ERCC3: variants seen among roughly 807,000 people sequenced by gnomAD.
The protein encoded by ERCC3 is general transcription and DNA repair factor IIH helicase/translocase subunit XPB.
A neutral mutation model predicts 94.2 loss-of-function variants in ERCC3; 66 were observed. That is an observed-to-expected ratio of 0.70 (90% CI 0.57 to 0.86). ERCC3 has a LOEUF of 0.86. Ranked by LOEUF, ERCC3 falls within the 40% of genes least tolerant of loss-of-function variation. The pLI is 0.00. For synonymous variants in ERCC3, 349 were observed against 369.1 expected, an observed-to-expected ratio of 0.95 and a Z score of 0.63; for missense variants, 829 against 987.1, an observed-to-expected ratio of 0.84 and a Z score of 2.15.
intron 1 of ERCC3, 151 bp from the exon 2 acceptor site, chr2:127,293,869 G>A: frequency 1.3e-6 from 2 of 1,542,752 alleles, no homozygotes; most frequent in East Asian, 2.4e-5. Context: ...GTCTCCCCTA[G>A]GCCGAGTTCG....
intron 12 of ERCC3, among the ~76,000 whole-genome samples, chr2:127,270,443 A>G (rs893071214): frequency 6.6e-6 from 1 of 152,210 alleles, no homozygotes; most frequent in African/African-American, 2.4e-5. Context: ...AATTTGCCAA[A>G]GGTGACACAG....
chr2:127,273,609 T>C (rs1459501984), intron 10 of ERCC3, among the ~76,000 whole-genome samples: 2 of 151,244 alleles, frequency 1.3e-5, no homozygotes, highest in Non-Finnish European at 2.9e-5. Context: ...ATTAGCCGAG[T>C]GTGGTGGCGC....
At chr2:127,278,753 T>C (rs1684812738) in intron 10 of ERCC3, among the ~76,000 whole-genome samples, 1 of 152,268 alleles carries the variant, frequency 6.6e-6, no homozygotes, top group Non-Finnish European at 1.5e-5. Context: ...TCCTTCCAGA[T>C]GCCAGTCCGT....
rs1684758259 is a variant in ERCC3, at chr2:127,277,220, G to A, written c.1730+1953C>T. ...GGCCAGAACAGAGTAAGCGAATGGA[G>A]TGCTGGTGGGGATCCCACTGGGGAA... On this transcript the variant is annotated intron_variant, in intron 10 of 14. Coordinates refer to ENST00000285398, the MANE Select transcript of ERCC3 (RefSeq NM_000122.2). This position sits in a 1 kb window ranked among gnomAD's most constrained non-coding sequence, Gnocchi z 5.1. Among the ~76,000 whole-genome samples, 1 of 152,134 alleles carries A rather than the reference G, an allele frequency of 6.6e-6. No homozygotes were observed. Among genetic ancestry groups the A allele is most frequent in the Non-Finnish European group, 1.5e-5 (1 of 68,034 alleles).
intron 12 of ERCC3, chr2:127,261,725 C>T (rs764063983): frequency 7.5e-5 from 23 of 304,868 alleles, no homozygotes; most frequent in Non-Finnish European, 1.1e-4. Flanking sequence ...TGAAATGATG[C>T]TCCACACCAT....
Position 127,259,377 on chromosome 2 carries a change from G to C in ERCC3, c.2136C>G (p.Leu712=), listed in dbSNP as rs770343415. 1 of 1,614,190 alleles carries C rather than the reference G, an allele frequency of 6.2e-7. No individual in the cohort carries two copies. The highest frequency in any genetic ancestry group is 1.1e-5 in the South Asian group (1 of 91,086). The part of the protein sequence containing the change: ...AFSTKEEQQQ[L]LQKVLAATDL... ...CAGTGGCTGCCAGGACTTTCTGTAAGAGCTGCTGTTGCTCTTCTTTTGTCG... is the reference window on the plus strand; with the variant it reads ...CAGTGGCTGCCAGGACTTTCTGTAACAGCTGCTGTTGCTCTTCTTTTGTCG... The change falls in exon 14 of 15, where the codon CTC becomes CTG. Residue 712 remains leucine, a synonymous_variant. Coordinates refer to ENST00000285398, the MANE Select transcript of ERCC3 (RefSeq NM_000122.2). The surrounding 1 kb of genome is among the most constrained non-coding windows in gnomAD (Gnocchi z 4.9).
At chr2:127,263,675 T>C (rs901190213) in intron 12 of ERCC3, among the ~76,000 whole-genome samples, 1 of 151,840 alleles carries the variant, frequency 6.6e-6, no homozygotes, top group Non-Finnish European at 1.5e-5. Context: ...ATAGGTGTGG[T>C]GAGGGTGGGC....
At position 127,287,036 on chromosome 2, in the gene ERCC3, C is replaced by T. The variant is rs778840777; in HGVS notation, c.1028-19G>A. 2.6e-5 allele frequency: 41 copies of T among 1,590,816 alleles called. No individual in the cohort carries two copies. The highest frequency in any genetic ancestry group is 3.0e-5 in the Non-Finnish European group (35 of 1,165,352). ...CCAGCACCTACAAGAAACAAGAGTG[C>T]AATCCCACCCAAGGACAGGTTGAAA... On this transcript the variant is annotated intron_variant, in intron 7 of 14. Coordinates refer to ENST00000285398, the MANE Select transcript of ERCC3 (RefSeq NM_000122.2).
chr2:127,272,114 G>C (rs904613499), intron 11 of ERCC3, among the ~76,000 whole-genome samples: 13 of 149,184 alleles, frequency 8.7e-5, no homozygotes, highest in African/African-American at 3.2e-4. Context: ...CCACCTCCCG[G>C]GTTCAAGTGA....
Position 127,280,664 on chromosome 2 carries a change from CT to C in ERCC3, c.1343-34del. ...AACAATGGGAGCATTCACACTGTCA[CT>C]TTTCTTTCTTATTTTTTATTTATTT... On this transcript the variant is annotated intron_variant, in intron 8 of 14. Coordinates refer to ENST00000285398, the MANE Select transcript of ERCC3 (RefSeq NM_000122.2). This position sits in a 1 kb window ranked among gnomAD's most constrained non-coding sequence, Gnocchi z 6.3. 6.4e-7 allele frequency: 1 copy of C among 1,561,434 alleles called. No individual in the cohort carries two copies. Among genetic ancestry groups the C allele is most frequent in the Non-Finnish European group, 8.8e-7 (1 of 1,135,272 alleles).
chr2:127,265,923 G>T (rs1684342934), intron 12 of ERCC3, among the ~76,000 whole-genome samples: 1 of 152,060 alleles, frequency 6.6e-6, no homozygotes, highest in Admixed American at 6.6e-5. Context: ...TAGGTGTTCA[G>T]TGCTATAAAC....
Sources: allele counts gnomAD v4.1 joint callset (sites outside exome capture counted in the v4.1 genomes callset), GRCh38; gene constraint gnomAD v4.1.1; non-coding constraint Gnocchi (gnomAD v3.1); transcripts MANE v1.5; gene names NCBI Gene and HGNC (gene_info 2026-07-23, HGNC 2026-07-21).